Variants in ENPP3 observed in about 807,000 individuals in gnomAD.
ENPP3 encodes the protein ectonucleotide pyrophosphatase/phosphodiesterase family member 3.
A neutral mutation model predicts 117.8 loss-of-function variants in ENPP3; 104 were observed. The observed-to-expected ratio is 0.88, with a 90% confidence interval of 0.75 to 1.04. ENPP3 has a LOEUF of 1.04. ENPP3 is among the 50% of genes least tolerant of loss of function. The pLI is 0.00. For synonymous variants in ENPP3, 380 were observed against 349.9 expected (o/e 1.09, Z -0.96); for missense variants, 1,026 against 1,051.9 (o/e 0.98, Z 0.34).
Position 131,720,342 on chromosome 6 carries a change from A to G in ENPP3, c.1530A>G (p.Glu510=), listed in dbSNP as rs764346274. ...GTTTTAAAGAGAAGACTGAAGTTGA[A>G]CCATTTGAAAATATTGAAGTCTATA... is the stretch of plus-strand genomic sequence containing the variant. ...GPSFKEKTEV[E]PFENIEVYNL... is the part of the protein sequence containing the mutation. Residue 510 remains glutamate, a synonymous_variant, in exon 17 of 25, where the codon GAA becomes GAG. Coordinates refer to ENST00000357639, the MANE Select transcript of ENPP3 (RefSeq NM_005021.5). 1.9e-6 allele frequency: 3 copies of G among 1,601,020 alleles called. No homozygotes were observed. Among genetic ancestry groups the G allele is most frequent in the Non-Finnish European group, 2.6e-6 (3 of 1,172,582 alleles).
chr6:131,708,907 G>A (rs759077091), intron 15 of ENPP3: 7 of 1,607,390 alleles, frequency 4.4e-6, no homozygotes, highest in Non-Finnish European at 5.9e-6. Flanking sequence ...TGGAAACAAT[G>A]GACCGCTGAT....
At chr6:131,666,815 C>A (rs1380490560) in intron 6 of ENPP3, among the ~76,000 whole-genome samples, 1 of 152,210 alleles carries the variant, frequency 6.6e-6, no homozygotes, top group Non-Finnish European at 1.5e-5. Context: ...GCACGTTGGA[C>A]AAAACAGTCA....
At chr6:131,676,858 GA>G in intron 10 of ENPP3, 57 bp downstream of exon 10, 1 of 1,143,096 alleles carries the variant, frequency 8.7e-7, no homozygotes, top group Non-Finnish European at 1.3e-6. Flanking sequence ...GGTAAAAAAT[GA>G]AGTTTTTTTT....
chr6:131,679,036 T>C (rs1778956468), intron 11 of ENPP3, among the ~76,000 whole-genome samples: 1 of 111,874 alleles, frequency 8.9e-6, no homozygotes, highest in South Asian at 3.1e-4. Context: ...CTTCTTTCTT[T>C]CTTTCTTTCT....
At chr6:131,718,083 CA>C (rs1281129606) in intron 15 of ENPP3, among the ~76,000 whole-genome samples, 2 of 152,316 alleles carry the variant, frequency 1.3e-5, no homozygotes, top group South Asian at 2.1e-4. Context: ...ATGCATTTCT[CA>C]GAACATATTC....
intron 1 of ENPP3, among the ~76,000 whole-genome samples, chr6:131,639,265 A>ATATATATTTTTT (rs371737976): frequency 1.9e-5 from 2 of 107,186 alleles, no homozygotes; most frequent in African/African-American, 7.9e-5. Context: ...ATATATATAT[A>ATATATATTTTTT]TTTTTTTTTT....
intron 2 of ENPP3, among the ~76,000 whole-genome samples, chr6:131,642,397 A>C (rs1194898071): frequency 1.3e-5 from 2 of 152,196 alleles, no homozygotes; most frequent in Non-Finnish European, 2.9e-5. Flanking sequence ...AATATGTCCC[A>C]AAATATAAAA....
At chr6:131,734,675 T>C (rs1019289165) in intron 21 of ENPP3, among the ~76,000 whole-genome samples, 1 of 151,924 alleles carries the variant, frequency 6.6e-6, no homozygotes, top group Non-Finnish European at 1.5e-5. Context: ...AGTGGGTGGA[T>C]CACCTGAGAT....
intron 17 of ENPP3, among the ~76,000 whole-genome samples, chr6:131,720,648 C>T (rs1779995909): frequency 6.6e-6 from 1 of 152,042 alleles, no homozygotes; most frequent in African/African-American, 2.4e-5. Flanking sequence ...GTGGTGTGAT[C>T]CTGGCTCACT....
At chr6:131,708,897 T>C (rs9398993) in intron 15 of ENPP3, 33,364 of 1,607,692 alleles carry the variant, frequency 0.021, 2,340 homozygotes, top group East Asian at 0.15. Context: ...TTGTATCCAC[T>C]GGAAACAATG....
At chr6:131,740,504 A>T in intron 24 of ENPP3, 124 bp downstream of exon 24, 1 of 613,194 alleles carries the variant, frequency 1.6e-6, no homozygotes, top group East Asian at 3.0e-5. Flanking sequence ...TTATAACACA[A>T]ATGACTTCAT....
At chr6:131,676,403 A>G (rs1465003791) in intron 9 of ENPP3, among the ~76,000 whole-genome samples, 1 of 152,224 alleles carries the variant, frequency 6.6e-6, no homozygotes, top group Non-Finnish European at 1.5e-5. Context: ...ATGAACAAAT[A>G]GTATCCAGCA....
rs1780054887 is a variant in ENPP3 at position 131,722,374 on chromosome 6, C to T, written c.1715C>T (p.Ser572Phe). 6.2e-7 allele frequency: 1 copy of T among 1,614,008 alleles called. No homozygotes were observed. The highest frequency in any genetic ancestry group is 1.7e-5 in the Admixed American group (1 of 60,006). ...CGFANPLPTE[S>F]LDCFCPHLQN... ...TTTGCTAATCCATTGCCCACAGAGT[C>T]TCTTGACTGTTTCTGCCCTCACCTA... Residue 572 changes from serine to phenylalanine, a missense_variant, in exon 18 of 25, where the codon TCT becomes TTT. Transcript: ENST00000357639.
At chr6:131,646,296 G>GTGTGTGTT (rs1295442992) in intron 2 of ENPP3, among the ~76,000 whole-genome samples, 1 of 150,720 alleles carries the variant, frequency 6.6e-6, no homozygotes, top group African/African-American at 2.5e-5. Flanking sequence ...GTGTGTGTGT[G>GTGTGTGTT]TGTGTGTGTG....
At chr6:131,710,211 C>T (rs1272488208) in intron 15 of ENPP3, 1 of 1,605,310 alleles carries the variant, frequency 6.2e-7, no homozygotes, top group African/African-American at 1.4e-5. Flanking sequence ...AGTGTCCAGT[C>T]AGGGTCTTGA....
chr6:131,639,266 T>TATATATATATA (rs1454993724), intron 1 of ENPP3, among the ~76,000 whole-genome samples: 7 of 60,506 alleles, frequency 1.2e-4, no homozygotes, highest in African/African-American at 7.3e-4. Flanking sequence ...TATATATATA[T>TATATATATATA]TTTTTTTTTT....
rs1779292780 is a variant in ENPP3 at position 131,692,066 on chromosome 6, T to C, written c.1285-1431T>C. Among the ~76,000 whole-genome samples, 4 of 150,740 alleles carry C rather than the reference T, an allele frequency of 2.7e-5. No homozygotes were observed. In the South Asian group the frequency reaches 6.4e-4, roughly 24 times the overall value. On this transcript the variant is annotated intron_variant, in intron 14 of 24. Coordinates refer to ENST00000357639, the MANE Select transcript of ENPP3 (RefSeq NM_005021.5). ...TTGTTTGTGTAAATTATGTGCTTCA[T>C]AGTTTCTCTTATTTTTCTTATCTAA...
chr6:131,684,399 G>A (rs9493051), intron 12 of ENPP3, among the ~76,000 whole-genome samples: 7,547 of 152,234 alleles, frequency 0.05, 348 homozygotes, highest in African/African-American at 0.12. Flanking sequence ...TTATATGCAA[G>A]CCAGGCACCA....
At chr6:131,733,928 A>G (rs1429284909) in intron 21 of ENPP3, among the ~76,000 whole-genome samples, 1 of 152,202 alleles carries the variant, frequency 6.6e-6, no homozygotes, top group East Asian at 1.9e-4. Flanking sequence ...CCCACACAGC[A>G]GCTCTCATCT....
Sources: gnomAD v4.1 joint callset for allele counts (sites outside exome capture counted in the v4.1 genomes callset) on GRCh38, gnomAD v4.1.1 for gene constraint, MANE v1.5 for transcripts, NCBI Gene and HGNC (gene_info 2026-07-23, HGNC 2026-07-21) for gene names.